Variants in TRDN observed in about 807,000 individuals in gnomAD.
TRDN encodes the protein triadin.
Under a neutral mutation model 149.7 loss-of-function variants are expected in TRDN, and 161 were observed. That is an observed-to-expected ratio of 1.08 (90% CI 0.95 to 1.23). The LOEUF is 1.23. Ranked by LOEUF, TRDN falls within the 50% of genes most tolerant of loss-of-function variation. The pLI, the probability that TRDN is intolerant of heterozygous loss-of-function variation, is 0.00. For missense variants in TRDN, 896 were observed against 823.5 expected, an observed-to-expected ratio of 1.09 and a Z score of -1.08; for synonymous variants, 294 against 250.5, an observed-to-expected ratio of 1.17 and a Z score of -1.64.
intron 2 of TRDN, among the ~76,000 whole-genome samples, chr6:123,565,465 G>A (rs764110950): frequency 8.0e-4 from 121 of 152,138 alleles, no homozygotes; most frequent in Non-Finnish European, 2.9e-4. Flanking sequence ...CAAGTATCCT[G>A]TTTCAGCTGT....
At position 123,234,914 on chromosome 6, in the gene TRDN, T is replaced by G. The variant is rs1002959555; in HGVS notation, c.1976-10783A>C. 7.9e-5 allele frequency among the ~76,000 whole-genome samples: 12 copies of G among 152,212 alleles called. No individual in the cohort carries two copies. In the East Asian group the frequency reaches 2.3e-3, roughly 30 times the overall value. On this transcript the variant is annotated intron_variant, in intron 38 of 40. Coordinates refer to ENST00000334268, the MANE Select transcript of TRDN (RefSeq NM_006073.4). ...GTGTGCAAGGAGCAAAATGGGGGTG[T>G]AGAGGCTAGGATCGTTTGTTAAGCC...
At chr6:123,527,441 C>G (rs1780004187) in intron 5 of TRDN, among the ~76,000 whole-genome samples, 2 of 151,900 alleles carry the variant, frequency 1.3e-5, no homozygotes, top group Non-Finnish European at 1.5e-5. Context: ...CCATGGGTAT[C>G]CATTGTTGGA....
chr6:123,557,788 TCCTGGGGGGC>T (rs1248889453), intron 2 of TRDN, among the ~76,000 whole-genome samples: 12 of 151,572 alleles, frequency 7.9e-5, no homozygotes, highest in Admixed American at 7.9e-4. Flanking sequence ...TTCTCCACTT[TCCTGGGGGGC>T]AAGCACCCCC....
intron 23 of TRDN, among the ~76,000 whole-genome samples, chr6:123,318,056 G>T (rs147500851): frequency 6.6e-6 from 1 of 151,972 alleles, no homozygotes; most frequent in African/African-American, 2.4e-5. Flanking sequence ...TGGGTTTCCT[G>T]GTGCTATGTT....
At chr6:123,480,345 A>G (rs1189819963) in intron 9 of TRDN, among the ~76,000 whole-genome samples, 7 of 151,952 alleles carry the variant, frequency 4.6e-5, no homozygotes, top group African/African-American at 1.4e-4. Context: ...ATCCCTCGGC[A>G]TGCCCTTCAC....
chr6:123,528,671 A>G (rs1263700684), intron 5 of TRDN: 1 of 987,406 alleles, frequency 1.0e-6, no homozygotes, highest in Non-Finnish European at 1.2e-6. Flanking sequence ...TTATCCACAT[A>G]CAAGAGCAGT....
chr6:123,436,492 C>A (rs1774568518), intron 12 of TRDN, among the ~76,000 whole-genome samples: 1 of 152,038 alleles, frequency 6.6e-6, no homozygotes, highest in South Asian at 2.1e-4. Flanking sequence ...TTTTCTACCC[C>A]ATTTATAGCA....
At chr6:123,239,450 C>T (rs1241325751) in intron 38 of TRDN, among the ~76,000 whole-genome samples, 4 of 152,106 alleles carry the variant, frequency 2.6e-5, no homozygotes, top group Non-Finnish European at 2.9e-5. Context: ...TTAGCAAAGA[C>T]ACAATCTTCT....
chr6:123,270,980 A>G (rs2114612362), intron 30 of TRDN, among the ~76,000 whole-genome samples, 159 bp downstream of exon 30: 1 of 151,996 alleles, frequency 6.6e-6, no homozygotes, highest in South Asian at 2.1e-4. Flanking sequence ...TTAGTTATTC[A>G]CAAGAATTCA....
chr6:123,358,776 C>T (rs1473075088), intron 20 of TRDN, among the ~76,000 whole-genome samples: 3 of 152,108 alleles, frequency 2.0e-5, no homozygotes, highest in Non-Finnish European at 2.9e-5. Flanking sequence ...AGCCACCGCG[C>T]CCAGCCTAGT....
intron 8 of TRDN, chr6:123,502,298 A>G (rs1379633766): frequency 1.2e-6 from 1 of 861,172 alleles, no homozygotes; most frequent in Non-Finnish European, 1.4e-6. Flanking sequence ...ATATTTCATT[A>G]ATGACATAAT....
intron 23 of TRDN, among the ~76,000 whole-genome samples, chr6:123,320,523 C>T (rs906735923): frequency 3.3e-5 from 5 of 151,170 alleles, no homozygotes; most frequent in Non-Finnish European, 5.9e-5. Context: ...TTATTAGACT[C>T]AATTTACAGA....
At chr6:123,433,034 C>G (rs950212142) in intron 12 of TRDN, among the ~76,000 whole-genome samples, 18 of 151,100 alleles carry the variant, frequency 1.2e-4, no homozygotes, top group Admixed American at 6.0e-4. Context: ...TTTAAAACTT[C>G]AGCTCAATCT....
chr6:123,611,159 T>G (rs1784791439), intron 1 of TRDN, among the ~76,000 whole-genome samples: 1 of 152,174 alleles, frequency 6.6e-6, no homozygotes, highest in Non-Finnish European at 1.5e-5. Context: ...TGTAAAATAC[T>G]AAAATGTGAT....
intron 4 of TRDN, among the ~76,000 whole-genome samples, chr6:123,545,321 A>G (rs1273928621): frequency 6.6e-6 from 1 of 151,918 alleles, no homozygotes; most frequent in Non-Finnish European, 1.5e-5. Flanking sequence ...CTCCCCAATA[A>G]TAATGTTAAA....
At chr6:123,450,418 A>G (rs112049829) in intron 10 of TRDN, among the ~76,000 whole-genome samples, 13 of 152,276 alleles carry the variant, frequency 8.5e-5, no homozygotes, top group African/African-American at 2.6e-4. Context: ...AGACACCAAA[A>G]GCAAGCAGAG....
chr6:123,337,781 T>G, intron 21 of TRDN, 112 bp from the exon 22 acceptor site: 1 of 561,430 alleles, frequency 1.8e-6, no homozygotes. Context: ...GCATCTGAGT[T>G]GATATTCACA....
intron 10 of TRDN, among the ~76,000 whole-genome samples, chr6:123,440,518 A>T (rs796819667): frequency 1.8e-4 from 28 of 152,332 alleles, no homozygotes; most frequent in African/African-American, 6.7e-4. Flanking sequence ...ATAAATGTAT[A>T]TGCCAGACAA....
At chr6:123,370,899 A>T (rs1582929932) in intron 19 of TRDN, among the ~76,000 whole-genome samples, 4 of 135,710 alleles carry the variant, frequency 2.9e-5, no homozygotes, top group African/African-American at 2.7e-5. Flanking sequence ...CCCATTGTCT[A>T]TCAAGGTCTT....
Sources: allele counts gnomAD v4.1 joint callset (sites outside exome capture counted in the v4.1 genomes callset), GRCh38; gene constraint gnomAD v4.1.1; transcripts MANE v1.5; gene names NCBI Gene and HGNC (gene_info 2026-07-23, HGNC 2026-07-21).